The following HTR7 variants were observed in gnomAD, a reference collection of about 807,000 sequenced individuals.
The protein encoded by HTR7 is 5-hydroxytryptamine receptor 7, also known as 5-HT-7.
HTR7 carries 16 observed loss-of-function variants against 34.0 expected under a neutral mutation model. The observed-to-expected ratio is 0.47, with a 90% confidence interval of 0.32 to 0.71. The LOEUF is 0.71. Among genes scored for constraint, HTR7 ranks in the 30% least tolerant of loss-of-function variants. HTR7 has a pLI of 0.04. For missense variants in HTR7, 504 were observed against 625.5 expected, an observed-to-expected ratio of 0.81 and a Z score of 2.07; for synonymous variants, 265 against 260.2, an observed-to-expected ratio of 1.02 and a Z score of -0.18.
intron 1 of HTR7, among the ~76,000 whole-genome samples, chr10:90,776,634 T>A (rs1564678214): frequency 6.6e-6 from 1 of 152,238 alleles, no homozygotes; most frequent in Non-Finnish European, 1.5e-5. Context: ...TTCTGTTTTT[T>A]AAATTTTAAA....
intron 1 of HTR7, among the ~76,000 whole-genome samples, chr10:90,799,247 C>T (rs1845587101): frequency 6.6e-6 from 1 of 152,120 alleles, no homozygotes; most frequent in Admixed American, 6.5e-5. Context: ...CCCTGACACC[C>T]ACCAAATTTT....
intron 1 of HTR7, among the ~76,000 whole-genome samples, chr10:90,775,362 G>C (rs2119823720): frequency 6.6e-6 from 1 of 152,290 alleles, no homozygotes; most frequent in Non-Finnish European, 1.5e-5. Context: ...ATGGCGAGTT[G>C]AGAGGTCTCT....
intron 1 of HTR7, among the ~76,000 whole-genome samples, chr10:90,783,495 C>T (rs1845337803): frequency 6.6e-6 from 1 of 152,066 alleles, no homozygotes; most frequent in Non-Finnish European, 1.5e-5. Context: ...TACTGGTTTA[C>T]CTCTTGGGCC....
intron 1 of HTR7, among the ~76,000 whole-genome samples, chr10:90,779,659 C>A (rs929992859): frequency 3.3e-5 from 5 of 152,154 alleles, no homozygotes; most frequent in Non-Finnish European, 7.3e-5. Context: ...AATGCCCAGG[C>A]CAGGGGAAGA....
chr10:90,847,978 C>T (rs1322353566), intron 1 of HTR7, among the ~76,000 whole-genome samples: 1 of 150,546 alleles, frequency 6.6e-6, no homozygotes, highest in African/African-American at 2.4e-5. Context: ...CCACTCCAGT[C>T]AAGAAAGAAA....
At chr10:90,754,061 A>G (rs1341299562) in intron 1 of HTR7, among the ~76,000 whole-genome samples, 5 of 151,632 alleles carry the variant, frequency 3.3e-5, no homozygotes, top group African/African-American at 1.2e-4. Context: ...GTGAGCATGT[A>G]AAAAAAACAC....
intron 1 of HTR7, among the ~76,000 whole-genome samples, chr10:90,773,425 A>C (rs1845150265): frequency 6.6e-6 from 1 of 151,926 alleles, no homozygotes; most frequent in African/African-American, 2.4e-5. Context: ...TGGACAATGA[A>C]GTGTCCATCC....
Position 90,806,630 on chromosome 10 carries a change from A to T in HTR7, c.539+50503T>A, listed in dbSNP as rs559707465. 5.9e-4 allele frequency among the ~76,000 whole-genome samples: 89 copies of T among 152,022 alleles called. No homozygotes were observed. In the South Asian group the frequency reaches 0.016, roughly 28 times the overall value. On this transcript the variant is annotated intron_variant, in intron 1 of 3. Transcript: ENST00000336152. ...AACAAAATAAAAAAATTTAAAAAAT[A>T]AAAAAATAAAAAAAAAGTTCCTAAA...
intron 1 of HTR7, among the ~76,000 whole-genome samples, chr10:90,791,822 C>G (rs1416962603): frequency 1.3e-5 from 2 of 152,014 alleles, no homozygotes; most frequent in East Asian, 3.8e-4. Flanking sequence ...GAAAATTATT[C>G]CATTATTTGA....
intron 1 of HTR7, among the ~76,000 whole-genome samples, chr10:90,771,168 C>A (rs1845103733): frequency 6.6e-6 from 1 of 152,142 alleles, no homozygotes. Flanking sequence ...GAGGAGCTAC[C>A]CTCTCTGCTA....
chr10:90,824,634 A>G (rs1846041525), intron 1 of HTR7, among the ~76,000 whole-genome samples: 1 of 152,106 alleles, frequency 6.6e-6, no homozygotes, highest in African/African-American at 2.4e-5. Context: ...GCCAGAGGGG[A>G]ACATATTTCC....
At chr10:90,845,339 C>T (rs1409810259) in intron 1 of HTR7, among the ~76,000 whole-genome samples, 1 of 152,146 alleles carries the variant, frequency 6.6e-6, no homozygotes, top group Non-Finnish European at 1.5e-5. Flanking sequence ...TGAATGCTAT[C>T]CTAACAATAT....
At chr10:90,814,287 T>C (rs961287783) in intron 1 of HTR7, among the ~76,000 whole-genome samples, 8 of 152,310 alleles carry the variant, frequency 5.3e-5, no homozygotes, top group Admixed American at 5.2e-4. Context: ...CACTTTATGA[T>C]GATAGGAATA....
intron 1 of HTR7, among the ~76,000 whole-genome samples, chr10:90,766,398 C>T (rs1443524143): frequency 6.6e-6 from 1 of 152,220 alleles, no homozygotes; most frequent in Non-Finnish European, 1.5e-5. Flanking sequence ...TTCCATCCCA[C>T]TTTCAGCCCA....
chr10:90,852,317 T>C (rs965015073), intron 1 of HTR7, among the ~76,000 whole-genome samples: 1 of 150,226 alleles, frequency 6.7e-6, no homozygotes, highest in Non-Finnish European at 1.5e-5. Context: ...CAAAGAACAA[T>C]GGAAAAGATA....
At chr10:90,815,058 G>A (rs953958844) in intron 1 of HTR7, among the ~76,000 whole-genome samples, 1 of 151,670 alleles carries the variant, frequency 6.6e-6, no homozygotes, top group African/African-American at 2.4e-5. Context: ...AAAAATGCAG[G>A]ATTGCAAAAG....
intron 1 of HTR7, among the ~76,000 whole-genome samples, chr10:90,825,747 C>T (rs927883618): frequency 2.6e-5 from 4 of 152,110 alleles, no homozygotes; most frequent in Admixed American, 6.5e-5. Context: ...AATAGCAGAA[C>T]TGACCAAGTA....
chr10:90,857,817 T>A lies in HTR7; in HGVS notation c.-146A>T. On this transcript the variant is annotated 5_prime_UTR_variant, in exon 1 of 4. Coordinates refer to ENST00000336152, the MANE Select transcript of HTR7 (RefSeq NM_019859.4). This position sits in a 1 kb window ranked among gnomAD's most constrained non-coding sequence, Gnocchi z 6.5. The stretch of plus-strand genomic sequence containing the variant: ...GACCGCTGGGGGGCGCCTGGCTCTG[T>A]CTCGGAGCCCCGCACTCCCCGGACC... 1 of 749,978 alleles carries A rather than the reference T, an allele frequency of 1.3e-6. No individual in the cohort carries two copies. The highest frequency in any genetic ancestry group is 1.8e-6 in the Non-Finnish European group (1 of 544,966). 46.5% of individuals were successfully genotyped at this position (749,978 alleles called of 1,614,324 possible). A position where few individuals can be genotyped will look rare whatever the true frequency, so the allele number is the denominator to read the frequency against.
intron 1 of HTR7, among the ~76,000 whole-genome samples, chr10:90,792,762 T>C (rs1464496867): frequency 6.6e-6 from 1 of 152,134 alleles, no homozygotes; most frequent in African/African-American, 2.4e-5. Flanking sequence ...TGATAAACCC[T>C]TAAAATGGAT....
Sources: gnomAD v4.1 joint callset for allele counts (sites outside exome capture counted in the v4.1 genomes callset) on GRCh38, gnomAD v4.1.1 for gene constraint, Gnocchi (gnomAD v3.1) non-coding constraint, MANE v1.5 for transcripts, NCBI Gene and HGNC (gene_info 2026-07-23, HGNC 2026-07-21) for gene names.